Variants in GRM1 observed in about 807,000 individuals in gnomAD.
GRM1 encodes glutamate metabotropic receptor 1.
GRM1 carries 33 observed loss-of-function variants against 90.9 expected under a neutral mutation model. That is an observed-to-expected ratio of 0.36 (90% CI 0.28 to 0.49). The LOEUF (loss-of-function observed/expected upper bound fraction) is 0.49, where lower values mean the gene tolerates loss of function less well. Among genes scored for constraint, GRM1 ranks in the 20% least tolerant of loss-of-function variants. The pLI is 0.99. For missense variants in GRM1, 1,190 were observed against 1,534.3 expected (o/e 0.78, Z 3.75); for synonymous variants, 700 against 613.2 (o/e 1.14, Z -2.09).
At chr6:146,035,737 T>C (rs1790866940) in intron 1 of GRM1, among the ~76,000 whole-genome samples, 1 of 152,006 alleles carries the variant, frequency 6.6e-6, no homozygotes. Context: ...TTATTATTAC[T>C]CAAAATGGCC....
intron 1 of GRM1, among the ~76,000 whole-genome samples, chr6:146,065,723 T>G (rs1456140180): frequency 6.6e-6 from 1 of 152,194 alleles, no homozygotes; most frequent in Non-Finnish European, 1.5e-5. Context: ...AGAAGGGAAT[T>G]GTCCAGATAG....
chr6:146,302,198 TC>T (rs1301536070), intron 2 of GRM1, among the ~76,000 whole-genome samples: 2 of 151,384 alleles, frequency 1.3e-5, no homozygotes, highest in African/African-American at 4.9e-5. Context: ...TAAGCCTGAC[TC>T]CTCTTTTGGG....
chr6:146,139,202 T>G (rs1776742287), intron 1 of GRM1, among the ~76,000 whole-genome samples: 1 of 152,208 alleles, frequency 6.6e-6, no homozygotes, highest in Admixed American at 6.5e-5. Context: ...TTACAATTTT[T>G]TGAATTATTT....
intron 1 of GRM1, among the ~76,000 whole-genome samples, chr6:146,062,960 T>C (rs1393055983): frequency 6.6e-6 from 1 of 152,222 alleles, no homozygotes; most frequent in Non-Finnish European, 1.5e-5. Context: ...TTTTGTGCTA[T>C]AAATGTTCTT....
chr6:146,314,169 C>T (rs1483323938), intron 3 of GRM1, among the ~76,000 whole-genome samples: 1 of 137,346 alleles, frequency 7.3e-6, no homozygotes, highest in Non-Finnish European at 1.5e-5. Flanking sequence ...CAGGTTCAAG[C>T]GATTCTCCTG....
At chr6:146,268,351 A>G (rs1331367299) in intron 2 of GRM1, among the ~76,000 whole-genome samples, 1 of 152,184 alleles carries the variant, frequency 6.6e-6, no homozygotes, top group African/African-American at 2.4e-5. Context: ...TCACTCCTTC[A>G]TGACTTCTTT....
intron 1 of GRM1, among the ~76,000 whole-genome samples, chr6:146,062,124 C>T (rs1226835069): frequency 6.6e-6 from 1 of 151,988 alleles, no homozygotes; most frequent in African/African-American, 2.4e-5. Flanking sequence ...CTGGATAAAG[C>T]AAATGTGGCA....
In GRM1 at chr6:146,318,193, C is replaced by A. The variant is rs573905507; in HGVS notation, c.1186+13347C>A. 1.1e-4 allele frequency among the ~76,000 whole-genome samples: 16 copies of A among 152,066 alleles called. No homozygotes were observed. The South Asian group carries it at 2.9e-3, about 28-fold the overall frequency. On this transcript the variant is annotated intron_variant, in intron 3 of 7. Transcript: ENST00000282753. ...AGGCCCCAGTGTGTGATGTTCCCCT[C>A]CCTGTGTCCATGTGTTCTCATTGTT...
chr6:146,380,343 TC>T (rs1776273695), intron 5 of GRM1, among the ~76,000 whole-genome samples: 1 of 151,366 alleles, frequency 6.6e-6, no homozygotes, highest in African/African-American at 2.4e-5. Context: ...TCACACACTT[TC>T]CCCCTTTCCA....
intron 1 of GRM1, among the ~76,000 whole-genome samples, chr6:146,058,613 T>C (rs1304490839): frequency 6.6e-6 from 1 of 152,106 alleles, no homozygotes; most frequent in African/African-American, 2.4e-5. Context: ...AACAATAAAG[T>C]TTGCCACATC....
chr6:146,270,912 T>TCTTTCTTTCTTTCTTTCTTTCTTCCTTC, intron 2 of GRM1, among the ~76,000 whole-genome samples: 1 of 86,814 alleles, frequency 1.2e-5, no homozygotes, highest in Non-Finnish European at 2.2e-5. Flanking sequence ...TTTCTTTCTT[T>TCTTTCTTTCTTTCTTTCTTTCTTCCTTC]CTTCCTTCCT....
chr6:146,099,099 G>A (rs1033013744), intron 1 of GRM1, among the ~76,000 whole-genome samples: 1 of 152,108 alleles, frequency 6.6e-6, no homozygotes, highest in South Asian at 2.1e-4. Context: ...GCAAATATCT[G>A]TGTCGGTTGG....
At chr6:146,409,060 A>G (rs1054848362) in intron 7 of GRM1, among the ~76,000 whole-genome samples, 9 of 152,166 alleles carry the variant, frequency 5.9e-5, no homozygotes, top group Non-Finnish European at 1.0e-4. Context: ...AAGCTAGCCT[A>G]AGCAAATGGG....
At chr6:146,241,618 A>T (rs533261942) in intron 2 of GRM1, among the ~76,000 whole-genome samples, 10 of 152,132 alleles carry the variant, frequency 6.6e-5, no homozygotes, top group African/African-American at 2.2e-4. Context: ...AGGTTCACTA[A>T]CTGTTTAATA....
chr6:146,157,998 A>T (rs1434587674), intron 1 of GRM1, among the ~76,000 whole-genome samples: 1 of 152,216 alleles, frequency 6.6e-6, no homozygotes, highest in Non-Finnish European at 1.5e-5. Context: ...ATCATTAATG[A>T]AATAATTTAT....
chr6:146,048,523 G>A (rs1791415279), intron 1 of GRM1, among the ~76,000 whole-genome samples: 1 of 151,680 alleles, frequency 6.6e-6, no homozygotes, highest in South Asian at 2.1e-4. Flanking sequence ...TTTGTTATGG[G>A]TTAATTGTGT....
At chr6:146,099,888 C>T (rs1776995319) in intron 1 of GRM1, among the ~76,000 whole-genome samples, 1 of 152,126 alleles carries the variant, frequency 6.6e-6, no homozygotes, top group Non-Finnish European at 1.5e-5. Flanking sequence ...ATATACTTAG[C>T]AGTGGAATTG....
intron 2 of GRM1, among the ~76,000 whole-genome samples, chr6:146,180,847 T>C (rs1295853664): frequency 1.3e-5 from 2 of 152,200 alleles, no homozygotes; most frequent in Admixed American, 6.5e-5. Context: ...TATGTGACTT[T>C]AAGCAAAGTC....
At chr6:146,360,378 A>T (rs566958451) in intron 5 of GRM1, among the ~76,000 whole-genome samples, 1 of 152,246 alleles carries the variant, frequency 6.6e-6, no homozygotes, top group African/African-American at 2.4e-5. Flanking sequence ...TTGTCATACC[A>T]CAAACACAGG....
Sources: allele counts gnomAD v4.1 joint callset (sites outside exome capture counted in the v4.1 genomes callset), GRCh38; gene constraint gnomAD v4.1.1; transcripts MANE v1.5; gene names NCBI Gene and HGNC (gene_info 2026-07-23, HGNC 2026-07-21).